NCAM1: variants seen among roughly 807,000 people sequenced by gnomAD.
NCAM1 encodes antigen recognized by monoclonal antibody 5.1H11.
In NCAM1, 14 loss-of-function variants were observed where a neutral mutation model predicts 109.8. The ratio of observed to expected loss-of-function variants is 0.13; its 90% CI spans 0.08 to 0.20. The LOEUF is 0.20. NCAM1 is among the 10% of genes least tolerant of loss of function. The pLI is 1.00. For missense variants in NCAM1, 774 were observed against 1,109.9 expected (o/e 0.70, Z 4.30); for synonymous variants, 418 against 442.9 (o/e 0.94, Z 0.70).
chr11:113,177,516 C>T (rs1943198218), intron 1 of NCAM1, among the ~76,000 whole-genome samples: 1 of 152,168 alleles, frequency 6.6e-6, no homozygotes, highest in Non-Finnish European at 1.5e-5. Context: ...TCACTGCAAC[C>T]TCTGCCTCCC....
intron 1 of NCAM1, among the ~76,000 whole-genome samples, chr11:113,055,975 T>A (rs1953683013): frequency 1.6e-5 from 1 of 61,658 alleles, no homozygotes; most frequent in Non-Finnish European, 3.1e-5. Flanking sequence ...ATAAAGAAAA[T>A]GTGATATATA....
At chr11:113,064,258 T>A (rs1257356627) in intron 1 of NCAM1, among the ~76,000 whole-genome samples, 3 of 152,188 alleles carry the variant, frequency 2.0e-5, no homozygotes, top group Non-Finnish European at 4.4e-5. Context: ...TTAATATCCC[T>A]TGAAATGGGT....
chr11:112,978,607 T>C (rs1290708768), intron 1 of NCAM1, among the ~76,000 whole-genome samples: 2 of 151,990 alleles, frequency 1.3e-5, no homozygotes, highest in East Asian at 3.9e-4. Context: ...CTCCTAGTTC[T>C]AGCTGGCAAC....
At chr11:113,252,299 C>T (rs782791104) in intron 15 of NCAM1, among the ~76,000 whole-genome samples, 34 of 151,166 alleles carry the variant, frequency 2.2e-4, no homozygotes, top group Non-Finnish European at 3.8e-4. Context: ...CTAGCTACTC[C>T]GGAGGCTGTG....
chr11:113,121,246 A>G, intron 1 of NCAM1, among the ~76,000 whole-genome samples: 1 of 54,900 alleles, frequency 1.8e-5, no homozygotes, highest in Non-Finnish European at 4.0e-5. Flanking sequence ...TTTTTGAGAC[A>G]GTCTTGTTCT....
At chr11:113,231,517 A>G (rs559022647) in intron 9 of NCAM1, 128 bp from the exon 10 acceptor site, 71 of 1,015,466 alleles carry the variant, frequency 7.0e-5, no homozygotes, top group Admixed American at 5.9e-4. Context: ...CACAGAGAGG[A>G]GAGAGGAAGT....
intron 2 of NCAM1, among the ~76,000 whole-genome samples, chr11:113,203,606 C>T (rs1182946175): frequency 6.6e-6 from 1 of 152,236 alleles, no homozygotes; most frequent in Admixed American, 6.5e-5. Flanking sequence ...GCTCAGCCAC[C>T]ACAGTCTGTT....
chr11:113,155,537 A>T (rs1555103327), intron 1 of NCAM1, among the ~76,000 whole-genome samples: 1 of 151,900 alleles, frequency 6.6e-6, no homozygotes, highest in African/African-American at 2.4e-5. Flanking sequence ...CAAAAAACAA[A>T]AAAAATAGTC....
chr11:112,975,809 C>T (rs1390090722), intron 1 of NCAM1, among the ~76,000 whole-genome samples: 9 of 152,056 alleles, frequency 5.9e-5, no homozygotes, highest in African/African-American at 1.9e-4. Context: ...GCAGTTCATT[C>T]GCCTGCCTTC....
chr11:112,967,341 GC>G (rs1475954309), intron 1 of NCAM1, among the ~76,000 whole-genome samples: 3 of 152,294 alleles, frequency 2.0e-5, no homozygotes, highest in Non-Finnish European at 4.4e-5. Context: ...TTGAGTGCCA[GC>G]TTTTTATCAT....
intron 1 of NCAM1, among the ~76,000 whole-genome samples, chr11:113,167,827 C>T (rs1942855570): frequency 1.3e-5 from 2 of 152,202 alleles, no homozygotes; most frequent in South Asian, 2.1e-4. Context: ...TCCAGTGTGA[C>T]CAGTTTGCTG....
At chr11:113,213,050 G>C (rs1350139699) in intron 7 of NCAM1, among the ~76,000 whole-genome samples, 2 of 152,198 alleles carry the variant, frequency 1.3e-5, no homozygotes, top group African/African-American at 4.8e-5. Flanking sequence ...GTAGAAGCAG[G>C]CATTTGTAAC....
intron 1 of NCAM1, among the ~76,000 whole-genome samples, chr11:113,005,407 C>T (rs782451669): frequency 5.3e-5 from 8 of 151,984 alleles, no homozygotes; most frequent in Admixed American, 1.3e-4. Context: ...CTTTTTTGGG[C>T]GGTGGTTTGG....
chr11:113,181,193 G>A (rs1943319206), intron 1 of NCAM1, among the ~76,000 whole-genome samples: 1 of 152,134 alleles, frequency 6.6e-6, no homozygotes, highest in Admixed American at 6.5e-5. Context: ...CTGAGATCTG[G>A]TCTGCAGCTG....
chr11:113,052,185 G>A (rs1252787873), intron 1 of NCAM1, among the ~76,000 whole-genome samples: 1 of 152,186 alleles, frequency 6.6e-6, no homozygotes, highest in Non-Finnish European at 1.5e-5. Flanking sequence ...AATTGGATGT[G>A]CTGGTGATAC....
intron 1 of NCAM1, among the ~76,000 whole-genome samples, chr11:113,153,727 A>T (rs1942317126): frequency 6.6e-6 from 1 of 152,224 alleles, no homozygotes; most frequent in South Asian, 2.1e-4. Context: ...TTTTGTGTGT[A>T]CAGGTGGCAG....
chr11:113,142,776 G>A (rs1244181445), intron 1 of NCAM1, among the ~76,000 whole-genome samples: 3 of 152,090 alleles, frequency 2.0e-5, no homozygotes, highest in African/African-American at 7.2e-5. Flanking sequence ...TGGCGGGTGT[G>A]TATAAACCAA....
At chr11:113,040,179 A>G (rs1391112429) in intron 1 of NCAM1, among the ~76,000 whole-genome samples, 2 of 152,296 alleles carry the variant, frequency 1.3e-5, no homozygotes, top group East Asian at 1.9e-4. Context: ...AATAAAATTA[A>G]TTGATGCGAT....
At chr11:113,121,485 T>C (rs1555096026) in intron 1 of NCAM1, among the ~76,000 whole-genome samples, 1 of 135,178 alleles carries the variant, frequency 7.4e-6, no homozygotes, top group African/African-American at 2.9e-5. Context: ...CCTCCCAAAG[T>C]GTTAAGATTA....
Sources: allele counts gnomAD v4.1 joint callset (sites outside exome capture counted in the v4.1 genomes callset), GRCh38; gene constraint gnomAD v4.1.1; transcripts MANE v1.5; gene names NCBI Gene and HGNC (gene_info 2026-07-23, HGNC 2026-07-21).